DENND1A: variants seen among roughly 807,000 people sequenced by gnomAD.
DENND1A encodes DENN domain containing 1A, also known as DENN domain-containing protein 1A.
Under a neutral mutation model 113.7 loss-of-function variants are expected in DENND1A, and 51 were observed. The observed-to-expected ratio is 0.45, with a 90% CI of 0.36 to 0.57. The LOEUF (loss-of-function observed/expected upper bound fraction) is 0.57, where lower values mean the gene tolerates loss of function less well. Among genes scored for constraint, DENND1A ranks in the 20% least tolerant of loss-of-function variants. DENND1A has a pLI of 0.00. For missense variants in DENND1A, 1,258 were observed against 1,395.9 expected (o/e 0.90, Z 1.57); for synonymous variants, 565 against 570.8 (o/e 0.99, Z 0.14).
intron 2 of DENND1A, among the ~76,000 whole-genome samples, chr9:123,796,380 T>C (rs1045153290): frequency 6.6e-6 from 1 of 152,198 alleles, no homozygotes; most frequent in African/African-American, 2.4e-5. Flanking sequence ...TAAAAAGCTA[T>C]GTCTTCACAG....
chr9:123,472,265 T>G (rs2049488004), intron 13 of DENND1A, among the ~76,000 whole-genome samples: 2 of 151,316 alleles, frequency 1.3e-5, no homozygotes, highest in Admixed American at 1.3e-4. Context: ...GAAAGGCCAC[T>G]GGGGGAGGGG....
intron 5 of DENND1A, among the ~76,000 whole-genome samples, chr9:123,754,564 T>C (rs536994730): frequency 1.3e-5 from 2 of 152,248 alleles, no homozygotes; most frequent in South Asian, 4.1e-4. Context: ...TCATTCTGTG[T>C]ATTAGATACA....
chr9:123,629,742 C>T (rs2061395505), intron 10 of DENND1A, among the ~76,000 whole-genome samples: 1 of 152,192 alleles, frequency 6.6e-6, no homozygotes, highest in East Asian at 1.9e-4. Context: ...CGCTGCCTGG[C>T]TTGTGCTCCC....
intron 21 of DENND1A, among the ~76,000 whole-genome samples, chr9:123,395,319 T>G (rs1259913261): frequency 6.6e-6 from 1 of 152,076 alleles, no homozygotes; most frequent in Non-Finnish European, 1.5e-5. Flanking sequence ...TCCCGTGTCT[T>G]CCGGGGCTGC....
At chr9:123,550,003 G>GAT (rs1173199781) in intron 13 of DENND1A, among the ~76,000 whole-genome samples, 1 of 152,196 alleles carries the variant, frequency 6.6e-6, no homozygotes, top group Non-Finnish European at 1.5e-5. Flanking sequence ...TCAGGACACA[G>GAT]ATATATGTGG....
At chr9:123,602,306 T>C (rs1012926499) in intron 11 of DENND1A, among the ~76,000 whole-genome samples, 1 of 152,262 alleles carries the variant, frequency 6.6e-6, no homozygotes, top group Non-Finnish European at 1.5e-5. Context: ...ACAACAATTA[T>C]ACAAATATTA....
At chr9:123,775,301 G>A (rs981764752) in intron 3 of DENND1A, among the ~76,000 whole-genome samples, 1 of 152,038 alleles carries the variant, frequency 6.6e-6, no homozygotes, top group African/African-American at 2.4e-5. Context: ...TAATTCCTTG[G>A]ACTTAATATG....
rs773367767 is a variant in DENND1A, at chr9:123,382,587, C to T, written c.2058G>A (p.Val686=). The T allele has an allele frequency of 1.2e-6, 2 of 1,614,064 alleles. No homozygotes were observed. Among genetic ancestry groups the T allele is most frequent in the Non-Finnish European group, 1.7e-6 (2 of 1,180,014 alleles). The part of the protein sequence containing the change: ...DLGGSERSRG[V]TVALKLTHPY... ...GGTGGGTAAGCTTCAAGGCCACTGT[C>T]ACCCCGCGGCTCCTCTCACTCCCGC... The change falls in exon 24 of 24, where the codon GTG becomes GTA. Residue 686 remains valine (V), a synonymous_variant. Transcript: ENST00000394215.
intron 13 of DENND1A, among the ~76,000 whole-genome samples, chr9:123,483,270 G>T (rs571685147): frequency 9.8e-5 from 15 of 152,308 alleles, no homozygotes; most frequent in African/African-American, 3.6e-4. Context: ...CCCCATGCAG[G>T]GACTATGTTT....
At chr9:123,571,186 C>A (rs1395759313) in intron 12 of DENND1A, among the ~76,000 whole-genome samples, 1 of 152,076 alleles carries the variant, frequency 6.6e-6, no homozygotes, top group Non-Finnish European at 1.5e-5. Context: ...CCAAAGTAAC[C>A]CTTTGCTCAT....
intron 6 of DENND1A, among the ~76,000 whole-genome samples, chr9:123,674,739 A>G (rs865780824): frequency 2.0e-5 from 3 of 152,148 alleles, no homozygotes; most frequent in African/African-American, 7.2e-5. Context: ...GTAATAATCC[A>G]ATCTCCCATA....
At chr9:123,539,821 TG>T (rs1310147322) in intron 13 of DENND1A, among the ~76,000 whole-genome samples, 11 of 148,696 alleles carry the variant, frequency 7.4e-5, no homozygotes, top group Non-Finnish European at 1.5e-4. Flanking sequence ...AGGCAGAGCT[TG>T]CAGTGAGCCG....
intron 2 of DENND1A, among the ~76,000 whole-genome samples, chr9:123,823,250 A>C (rs1838779430): frequency 6.6e-6 from 1 of 152,232 alleles, no homozygotes; most frequent in Admixed American, 6.5e-5. Context: ...CAACTTTGAG[A>C]AGAATTAAAA....
At chr9:123,667,385 C>T (rs1291933349) in intron 7 of DENND1A, among the ~76,000 whole-genome samples, 2 of 152,214 alleles carry the variant, frequency 1.3e-5, no homozygotes, top group South Asian at 2.1e-4. Flanking sequence ...GAGGCCAAGG[C>T]AGGTAGATCA....
chr9:123,617,521 A>G (rs1013512450), intron 10 of DENND1A, among the ~76,000 whole-genome samples: 25 of 152,196 alleles, frequency 1.6e-4, no homozygotes, highest in Non-Finnish European at 3.1e-4. Flanking sequence ...TAGAGCCCCA[A>G]GCCACTGGAC....
At chr9:123,495,386 G>A (rs1186572154) in intron 13 of DENND1A, among the ~76,000 whole-genome samples, 1 of 152,146 alleles carries the variant, frequency 6.6e-6, no homozygotes, top group Non-Finnish European at 1.5e-5. Context: ...CCCGCCTTGG[G>A]TGGACATTCA....
At chr9:123,477,637 G>A (rs1342262408) in intron 13 of DENND1A, among the ~76,000 whole-genome samples, 1 of 151,882 alleles carries the variant, frequency 6.6e-6, no homozygotes, top group Non-Finnish European at 1.5e-5. Context: ...GCCAATGCAT[G>A]CTGGGCTTAA....
At chr9:123,797,601 T>C (rs1368735072) in intron 2 of DENND1A, among the ~76,000 whole-genome samples, 1 of 152,154 alleles carries the variant, frequency 6.6e-6, no homozygotes, top group Non-Finnish European at 1.5e-5. Flanking sequence ...AAACTTACTA[T>C]AGCTATAAAA....
intron 12 of DENND1A, among the ~76,000 whole-genome samples, chr9:123,580,251 G>A (rs1031042509): frequency 1.3e-4 from 20 of 152,138 alleles, no homozygotes; most frequent in African/African-American, 3.6e-4. Flanking sequence ...GTTCCCTGAG[G>A]CTACCTCATT....
Sources: allele counts gnomAD v4.1 joint callset (sites outside exome capture counted in the v4.1 genomes callset), GRCh38; gene constraint gnomAD v4.1.1; transcripts MANE v1.5; gene names NCBI Gene and HGNC (gene_info 2026-07-23, HGNC 2026-07-21).